The following SMYD3 variants were observed in gnomAD, a reference collection of about 807,000 sequenced individuals.
SMYD3 encodes SET and MYND domain containing 3, also known as histone-lysine N-methyltransferase SMYD3.
SMYD3 carries 36 observed loss-of-function variants against 57.7 expected under a neutral mutation model. The ratio of observed to expected loss-of-function variants is 0.62; its 90% CI spans 0.48 to 0.82. The LOEUF (loss-of-function observed/expected upper bound fraction) is 0.82, where lower values mean the gene tolerates loss of function less well. SMYD3 is among the 40% of genes least tolerant of loss of function. The probability of loss-of-function intolerance (pLI) is 0.00; values close to 1 mark genes in which losing one functional copy is unlikely to be tolerated. For missense variants in SMYD3, 515 were observed against 538.8 expected (o/e 0.96, Z 0.44); for synonymous variants, 211 against 195.0 (o/e 1.08, Z -0.68).
intron 10 of SMYD3, among the ~76,000 whole-genome samples, chr1:245,767,260 T>A (rs1441889747): frequency 6.6e-6 from 1 of 152,078 alleles, no homozygotes; most frequent in Non-Finnish European, 1.5e-5. Context: ...ATCAGGTGTG[T>A]CCAAGGACCG....
intron 5 of SMYD3, among the ~76,000 whole-genome samples, chr1:246,286,596 T>C (rs1259414961): frequency 6.6e-6 from 1 of 152,202 alleles, no homozygotes; most frequent in Non-Finnish European, 1.5e-5. Context: ...TTTTAGAAAT[T>C]TGTATGTAGT....
At chr1:246,218,620 CAA>C (rs551976972) in intron 5 of SMYD3, among the ~76,000 whole-genome samples, 8 of 127,312 alleles carry the variant, frequency 6.3e-5, no homozygotes, top group Non-Finnish European at 5.1e-5. Context: ...GACTCCGTCT[CAA>C]AAAAAAAAAA....
intron 5 of SMYD3, among the ~76,000 whole-genome samples, chr1:246,115,343 T>C (rs932033357): frequency 3.3e-5 from 5 of 152,134 alleles, no homozygotes; most frequent in African/African-American, 1.2e-4. Context: ...GGGTATTGAA[T>C]AGAAGACCCA....
chr1:246,173,574 A>T (rs2062380642), intron 5 of SMYD3, among the ~76,000 whole-genome samples: 1 of 151,970 alleles, frequency 6.6e-6, no homozygotes, highest in Admixed American at 6.6e-5. Flanking sequence ...CTATTTTTAA[A>T]TTTTTTTTAC....
intron 10 of SMYD3, among the ~76,000 whole-genome samples, chr1:245,802,390 C>T (rs2047912154): frequency 6.6e-6 from 1 of 152,218 alleles, no homozygotes; most frequent in African/African-American, 2.4e-5. Context: ...AGTCATAAGA[C>T]AACTCTCTTT....
intron 1 of SMYD3, among the ~76,000 whole-genome samples, chr1:246,479,252 G>A (rs887218106): frequency 4.6e-5 from 7 of 152,248 alleles, no homozygotes; most frequent in African/African-American, 1.7e-4. Context: ...CATACTCCAG[G>A]AATGAGGGCT....
intron 11 of SMYD3, among the ~76,000 whole-genome samples, chr1:245,756,432 C>G (rs1029473838): frequency 6.6e-6 from 1 of 152,046 alleles, no homozygotes; most frequent in Non-Finnish European, 1.5e-5. Flanking sequence ...TACTTACCCA[C>G]ACTTTTGCTG....
intron 1 of SMYD3, among the ~76,000 whole-genome samples, chr1:246,487,369 A>G (rs1408285353): frequency 6.6e-6 from 1 of 152,088 alleles, no homozygotes; most frequent in African/African-American, 2.4e-5. Context: ...CTAAGGCAAG[A>G]GAATCACTTG....
At chr1:245,751,906 A>G (rs751237153) in intron 11 of SMYD3, among the ~76,000 whole-genome samples, 2 of 152,212 alleles carry the variant, frequency 1.3e-5, no homozygotes, top group Non-Finnish European at 2.9e-5. Flanking sequence ...ACCAGCCCCC[A>G]CCTTGCAAGC....
intron 5 of SMYD3, among the ~76,000 whole-genome samples, chr1:246,097,643 C>T (rs2060938922): frequency 6.6e-6 from 1 of 152,064 alleles, no homozygotes; most frequent in African/African-American, 2.4e-5. Context: ...CAGTTTCCAA[C>T]CAGTACTTTC....
intron 5 of SMYD3, among the ~76,000 whole-genome samples, chr1:246,049,491 G>A (rs1447013735): frequency 4.7e-5 from 7 of 149,260 alleles, no homozygotes; most frequent in African/African-American, 1.5e-4. Flanking sequence ...ATTTTTAGTA[G>A]AGACGGGGTT....
chr1:246,285,541 CA>C (rs34997056), intron 5 of SMYD3, among the ~76,000 whole-genome samples: 10,311 of 143,610 alleles, frequency 0.072, 502 homozygotes, highest in African/African-American at 0.13. Context: ...AAAAATGCTA[CA>C]AAAAAAAAAA....
intron 10 of SMYD3, among the ~76,000 whole-genome samples, chr1:245,817,279 AG>A (rs2048892455): frequency 7.0e-6 from 1 of 142,780 alleles, no homozygotes; most frequent in Admixed American, 7.1e-5. Flanking sequence ...ACCCCCCAGC[AG>A]GGGCACACTG....
At chr1:245,879,988 A>G (rs2052690386) in intron 8 of SMYD3, among the ~76,000 whole-genome samples, 2 of 151,388 alleles carry the variant, frequency 1.3e-5, no homozygotes, top group Admixed American at 1.3e-4. Flanking sequence ...GTTGCTGTAC[A>G]CACCAGAGAT....
intron 5 of SMYD3, among the ~76,000 whole-genome samples, chr1:246,325,484 C>A (rs1461472692): frequency 1.3e-5 from 2 of 152,048 alleles, no homozygotes; most frequent in Admixed American, 1.3e-4. Context: ...GCCCAAAAAT[C>A]TCAAAACTGT....
At chr1:245,917,727 G>T (rs1055459166) in intron 7 of SMYD3, among the ~76,000 whole-genome samples, 5 of 152,092 alleles carry the variant, frequency 3.3e-5, no homozygotes, top group African/African-American at 1.2e-4. Context: ...ATATCAGCTT[G>T]TACCAGACTG....
intron 5 of SMYD3, chr1:246,053,101 C>A (rs1171062297): frequency 6.6e-6 from 1 of 151,960 alleles, no homozygotes; most frequent in African/African-American, 2.4e-5. Flanking sequence ...AATAATTAGC[C>A]AGGCACGGTG....
chr1:246,012,753 C>A (rs1405977843), intron 5 of SMYD3, among the ~76,000 whole-genome samples: 1 of 152,226 alleles, frequency 6.6e-6, no homozygotes, highest in Non-Finnish European at 1.5e-5. Flanking sequence ...GACTCCATCA[C>A]ATATGTTCTG....
chr1:245,886,393 T>G (rs982308755), intron 8 of SMYD3, among the ~76,000 whole-genome samples: 3 of 152,270 alleles, frequency 2.0e-5, no homozygotes, highest in African/African-American at 7.2e-5. Flanking sequence ...GCAGAAGATA[T>G]GCTGATGGCT....
Sources: gnomAD v4.1 joint callset for allele counts (sites outside exome capture counted in the v4.1 genomes callset) on GRCh38, gnomAD v4.1.1 for gene constraint, MANE v1.5 for transcripts, NCBI Gene and HGNC (gene_info 2026-07-23, HGNC 2026-07-21) for gene names.